PXDNL: variants seen among roughly 807,000 people sequenced by gnomAD.
The protein encoded by PXDNL is probable oxidoreductase PXDNL.
A neutral mutation model predicts 150.8 loss-of-function variants in PXDNL; 145 were observed. That is an observed-to-expected ratio of 0.96 (90% CI 0.84 to 1.10). The LOEUF (loss-of-function observed/expected upper bound fraction) is 1.10, where lower values mean the gene tolerates loss of function less well. Among genes scored for constraint, PXDNL ranks in the 50% least tolerant of loss-of-function variants. The pLI is 0.00. For missense variants in PXDNL, 2,087 were observed against 1,873.9 expected, an observed-to-expected ratio of 1.11 and a Z score of -2.10; for synonymous variants, 757 against 725.7, an observed-to-expected ratio of 1.04 and a Z score of -0.69.
chr8:51,530,756 G>A (rs1221008655), intron 4 of PXDNL, among the ~76,000 whole-genome samples: 1 of 151,902 alleles, frequency 6.6e-6, no homozygotes, highest in Admixed American at 6.6e-5. Flanking sequence ...TGCTGTGAGG[G>A]CTTCCCTACA....
intron 17 of PXDNL, among the ~76,000 whole-genome samples, chr8:51,379,317 A>G (rs77238042): frequency 5.6e-4 from 86 of 152,306 alleles, no homozygotes; most frequent in African/African-American, 1.6e-3. Context: ...ATTTAGAAGT[A>G]AGGGACAATT....
chr8:51,616,161 C>T (rs1263821453), intron 2 of PXDNL, among the ~76,000 whole-genome samples: 10 of 152,200 alleles, frequency 6.6e-5, no homozygotes. Context: ...GATGTCTGCA[C>T]ACATTCAGGG....
In PXDNL at chr8:51,418,634, T is replaced by C. The variant is rs190449640; in HGVS notation, c.1795+4941A>G. Among the ~76,000 whole-genome samples, 357 of 152,298 alleles carry C rather than the reference T, an allele frequency of 2.3e-3. 2 individuals are homozygous for C. Among genetic ancestry groups the C allele is most frequent in the Non-Finnish European group, 4.0e-3 (275 of 68,016 alleles). On this transcript the variant is annotated intron_variant, in intron 14 of 22. Coordinates refer to ENST00000356297, the MANE Select transcript of PXDNL (RefSeq NM_144651.5). ...ATTAATGTATAGCATTTGGAACACATGGTAAATGCTCAATAAATGTTAACT... is the reference window on the plus strand; with the variant it reads ...ATTAATGTATAGCATTTGGAACACACGGTAAATGCTCAATAAATGTTAACT...
At chr8:51,325,968 G>A (rs1805471001) in intron 21 of PXDNL, among the ~76,000 whole-genome samples, 1 of 152,176 alleles carries the variant, frequency 6.6e-6, no homozygotes, top group African/African-American at 2.4e-5. Flanking sequence ...ATGGCCTGTT[G>A]TCTAGAGGGA....
intron 5 of PXDNL, among the ~76,000 whole-genome samples, chr8:51,495,465 C>G (rs949638102): frequency 6.6e-6 from 1 of 152,006 alleles, no homozygotes; most frequent in Non-Finnish European, 1.5e-5. Flanking sequence ...ACACAAAAAA[C>G]CCTTCAAAAA....
intron 3 of PXDNL, among the ~76,000 whole-genome samples, chr8:51,560,970 G>C (rs947987148): frequency 6.6e-6 from 1 of 151,110 alleles, no homozygotes; most frequent in Non-Finnish European, 1.5e-5. Context: ...AATGGGTAAA[G>C]GACTTTAATA....
intron 12 of PXDNL, among the ~76,000 whole-genome samples, chr8:51,430,302 C>G (rs1445425756): frequency 6.6e-6 from 1 of 152,186 alleles, no homozygotes; most frequent in Non-Finnish European, 1.5e-5. Context: ...ATTCCCTTTC[C>G]TTTTCAGCCA....
At chr8:51,596,960 G>A (rs560341818) in intron 2 of PXDNL, among the ~76,000 whole-genome samples, 4 of 152,162 alleles carry the variant, frequency 2.6e-5, no homozygotes, top group East Asian at 1.9e-4. Context: ...TTTTGAGGAC[G>A]TAGTCAAAAA....
intron 9 of PXDNL, among the ~76,000 whole-genome samples, chr8:51,454,626 T>C (rs1809885852): frequency 6.6e-6 from 1 of 152,206 alleles, no homozygotes; most frequent in Non-Finnish European, 1.5e-5. Context: ...AAATGCCTAA[T>C]GATTGATTCT....
At chr8:51,422,514 G>C (rs1399465825) in intron 14 of PXDNL, among the ~76,000 whole-genome samples, 4 of 152,166 alleles carry the variant, frequency 2.6e-5, no homozygotes, top group African/African-American at 7.2e-5. Flanking sequence ...TCTATTTTTA[G>C]TGAGGCCTGT....
chr8:51,334,894 A>G (rs928141407), intron 21 of PXDNL, among the ~76,000 whole-genome samples: 2 of 152,182 alleles, frequency 1.3e-5, no homozygotes, highest in African/African-American at 2.4e-5. Flanking sequence ...TTGATTAGCT[A>G]ATCTCCAGCC....
intron 12 of PXDNL, among the ~76,000 whole-genome samples, 171 bp from the exon 13 acceptor site, chr8:51,426,929 CGG>C (rs1809120917): frequency 1.3e-5 from 2 of 152,124 alleles, no homozygotes; most frequent in African/African-American, 4.8e-5. Context: ...CCCAGGCTGG[CGG>C]CAAGTACAGC....
chr8:51,702,608 T>C (rs1162966117), intron 1 of PXDNL, among the ~76,000 whole-genome samples: 1 of 152,164 alleles, frequency 6.6e-6, no homozygotes, highest in African/African-American at 2.4e-5. Flanking sequence ...CTGTGGGACA[T>C]TGACAAGGTA....
At chr8:51,327,941 C>A (rs531821746) in intron 21 of PXDNL, among the ~76,000 whole-genome samples, 24 of 152,368 alleles carry the variant, frequency 1.6e-4, no homozygotes, top group Admixed American at 9.1e-4. Context: ...ACTGACTGAG[C>A]ATTGAGCCAT....
rs199878556 is a variant in PXDNL at position 51,361,954 on chromosome 8, A to G, written c.3901+9919T>C. On this transcript the variant is annotated intron_variant, in intron 19 of 22. Coordinates refer to ENST00000356297, the MANE Select transcript of PXDNL (RefSeq NM_144651.5). The stretch of plus-strand genomic sequence containing the variant: ...TTCCATCTCAAAAAAAAAAAAAAAA[A>G]AAAAAAAAAAAGAAAAGAAAAGAAA... Among the ~76,000 whole-genome samples, 50 of 148,160 alleles carry G rather than the reference A, an allele frequency of 3.4e-4. 3 individuals are homozygous for G. In the East Asian group the frequency reaches 4.5e-3, roughly 13 times the overall value.
intron 17 of PXDNL, among the ~76,000 whole-genome samples, chr8:51,394,581 C>A (rs145805164): frequency 5.3e-5 from 8 of 152,308 alleles, no homozygotes; most frequent in African/African-American, 1.9e-4. Context: ...GCCATACAAT[C>A]TTTGTTCCAA....
intron 5 of PXDNL, among the ~76,000 whole-genome samples, chr8:51,485,841 G>C (rs951090483): frequency 2.0e-5 from 3 of 152,178 alleles, no homozygotes; most frequent in African/African-American, 7.2e-5. Context: ...CTTCAACAGT[G>C]TGCAGATGGA....
intron 4 of PXDNL, among the ~76,000 whole-genome samples, chr8:51,553,771 T>TATATATATATATATACACAC (rs1236843720): frequency 1.8e-3 from 113 of 63,688 alleles, no homozygotes; most frequent in African/African-American, 9.6e-3. Flanking sequence ...TATATATATA[T>TATATATATATATATACACAC]ACACACACTG....
chr8:51,435,667 C>G (rs992090017), intron 12 of PXDNL: 1 of 221,956 alleles, frequency 4.5e-6, no homozygotes, highest in Non-Finnish European at 9.7e-6. Context: ...CAGAAAGAAG[C>G]GAAAAAGAGG....
Sources: allele counts gnomAD v4.1 joint callset (sites outside exome capture counted in the v4.1 genomes callset), GRCh38; gene constraint gnomAD v4.1.1; transcripts MANE v1.5; gene names NCBI Gene and HGNC (gene_info 2026-07-23, HGNC 2026-07-21).